The following SLC17A3 variants were observed in gnomAD, a reference collection of about 807,000 sequenced individuals.
SLC17A3 encodes the protein solute carrier family 17 member 3, also known as sodium-dependent phosphate transport protein 4.
SLC17A3 carries 61 observed loss-of-function variants against 60.3 expected under a neutral mutation model. The ratio of observed to expected loss-of-function variants is 1.01; its 90% confidence interval spans 0.82 to 1.25. The LOEUF (loss-of-function observed/expected upper bound fraction) is 1.25, where lower values mean the gene tolerates loss of function less well. Among genes scored for constraint, SLC17A3 ranks in the 50% most tolerant of loss-of-function variants. The pLI, the probability that SLC17A3 is intolerant of heterozygous loss-of-function variation, is 0.00. For synonymous variants in SLC17A3, 192 were observed against 208.9 expected (o/e 0.92, Z 0.70); for missense variants, 624 against 594.9 (o/e 1.05, Z -0.51).
At chr6:25,849,510 C>G in intron 10 of SLC17A3, 46 bp from the exon 11 acceptor site, 7 of 1,123,588 alleles carry the variant, frequency 6.2e-6, no homozygotes, top group Non-Finnish European at 8.2e-6. Context: ...AGATGTTTGA[C>G]AGTATCCTTC....
chr6:25,859,426 C>T (rs1003659727), intron 5 of SLC17A3, among the ~76,000 whole-genome samples: 9 of 152,130 alleles, frequency 5.9e-5, no homozygotes, highest in African/African-American at 2.2e-4. Context: ...AGCACAGAAA[C>T]TGATAAATAC....
At chr6:25,860,262 C>G (rs940481476) in intron 5 of SLC17A3, among the ~76,000 whole-genome samples, 2 of 151,926 alleles carry the variant, frequency 1.3e-5, no homozygotes, top group African/African-American at 4.8e-5. Context: ...GCAAAGTTTC[C>G]TATCTACAAT....
rs374524332 is a variant in SLC17A3 at position 25,858,146 on chromosome 6, G to C, written c.626-2916C>G. On this transcript the variant is annotated intron_variant, in intron 5 of 12. Coordinates refer to ENST00000397060, the MANE Select transcript of SLC17A3 (RefSeq NM_001098486.2). The stretch of plus-strand genomic sequence containing the variant: ...TTCTCATGACTCAACCTCCTGAGTA[G>C]CTGCAAATATAGCTTCCTGTGGCTC... 1.9e-4 allele frequency among the ~76,000 whole-genome samples: 29 copies of C among 152,104 alleles called. No individual in the cohort carries two copies. The South Asian group carries it at 5.8e-3, about 31-fold the overall frequency.
chr6:25,868,562 G>A, intron 1 of SLC17A3, 142 bp from the exon 2 acceptor site: 1 of 625,512 alleles, frequency 1.6e-6, no homozygotes, highest in Non-Finnish European at 2.9e-6. Context: ...TCCCCTCTTG[G>A]CTCAACACAA....
At position 25,845,302 on chromosome 6, in the gene SLC17A3, A is replaced by G; in HGVS notation, c.*3-4T>C. On this transcript the variant is annotated splice_polypyrimidine_tract_variant and splice_region_variant and intron_variant, in intron 12 of 12. Coordinates refer to ENST00000397060, the MANE Select transcript of SLC17A3 (RefSeq NM_001098486.2). ...TTTTCCATCCAAGGTGGGATAACTA[A>G]GAAAGGAAAATGATATAGAATTTAA... 1.4e-5 allele frequency: 22 copies of G among 1,561,828 alleles called. 2 individuals carry two copies. The South Asian group carries it at 2.3e-4, about 17-fold the overall frequency.
intron 6 of SLC17A3, 112 bp from the exon 7 acceptor site, chr6:25,850,989 A>G: frequency 2.5e-6 from 2 of 801,140 alleles, no homozygotes; most frequent in Non-Finnish European, 2.2e-6. Flanking sequence ...CATGTTCATT[A>G]TATCCCTTTT....
intron 2 of SLC17A3, among the ~76,000 whole-genome samples, chr6:25,867,604 A>G (rs971867900): frequency 5.3e-5 from 8 of 152,008 alleles, no homozygotes; most frequent in Non-Finnish European, 8.8e-5. Context: ...TATATAGTTC[A>G]TATATAGATA....
chr6:25,860,609 A>G (rs1430546637), intron 5 of SLC17A3, among the ~76,000 whole-genome samples: 1 of 152,136 alleles, frequency 6.6e-6, no homozygotes, highest in African/African-American at 2.4e-5. Context: ...ACCTGCCTGG[A>G]GCCTCTGAAA....
intron 11 of SLC17A3, 114 bp downstream of exon 11, chr6:25,849,259 AT>A: frequency 1.4e-6 from 1 of 710,938 alleles, no homozygotes; most frequent in Non-Finnish European, 2.6e-6. Context: ...GTTCATCTTA[AT>A]GACAAATTAC....
At chr6:25,861,510 A>G (rs999098155) in intron 5 of SLC17A3, 114 bp downstream of exon 5, 10 of 858,028 alleles carry the variant, frequency 1.2e-5, no homozygotes, top group Non-Finnish European at 2.0e-5. Flanking sequence ...TTAATTTAAA[A>G]ATACTTCACT....
intron 1 of SLC17A3, among the ~76,000 whole-genome samples, chr6:25,870,592 T>G (rs1326814363): frequency 2.0e-5 from 3 of 152,012 alleles, no homozygotes; most frequent in African/African-American, 7.2e-5. Flanking sequence ...ATCTATGGCC[T>G]CTTCACAGCA....
At chr6:25,866,721 A>G (rs746060280) in intron 2 of SLC17A3, among the ~76,000 whole-genome samples, 36 of 151,978 alleles carry the variant, frequency 2.4e-4, no homozygotes, top group Non-Finnish European at 4.0e-4. Flanking sequence ...ATTGAAGAAT[A>G]AGAATACTCA....
chr6:25,868,206 T>A lies in SLC17A3; in HGVS notation c.91+91A>T, dbSNP rs1013282573. 5 of 969,850 alleles carry A rather than the reference T, an allele frequency of 5.2e-6. No homozygotes were observed. The African/African-American group carries it at 8.1e-5, about 16-fold the overall frequency. 60.1% of individuals were successfully genotyped at this position (969,850 alleles called of 1,614,324 possible). A position where few individuals can be genotyped will look rare whatever the true frequency, so the allele number is the denominator to read the frequency against. ...GGATTTGTAAAAAGAATTAAAGAACTTAAAAATCACAAATTCATTTTTATA... is the reference window on the plus strand; with the variant it reads ...GGATTTGTAAAAAGAATTAAAGAACATAAAAATCACAAATTCATTTTTATA... On this transcript the variant is annotated intron_variant, in intron 2 of 12. Transcript: ENST00000397060.
At chr6:25,870,588 G>A (rs917929503) in intron 1 of SLC17A3, among the ~76,000 whole-genome samples, 2 of 151,894 alleles carry the variant, frequency 1.3e-5, no homozygotes, top group Non-Finnish European at 2.9e-5. Flanking sequence ...CCAGATCTAT[G>A]GCCTCTTCAC....
chr6:25,855,395 A>T (rs1448150234), intron 5 of SLC17A3, among the ~76,000 whole-genome samples, 165 bp from the exon 6 acceptor site: 1 of 152,258 alleles, frequency 6.6e-6, no homozygotes, highest in East Asian at 1.9e-4. Flanking sequence ...ATATAATTTC[A>T]TATGTTCTCC....
In SLC17A3 at chr6:25,862,331, T is replaced by G; in HGVS notation, c.205A>C (p.Ser69Arg). Residue 69 changes from serine to arginine, a missense_variant, in exon 3 of 13, where the codon AGC (serine) becomes CGC (arginine). Coordinates refer to ENST00000397060, the MANE Select transcript of SLC17A3 (RefSeq NM_001098486.2). Reference sequence around the variant, plus strand: ...TTGAGCTGGGATTGAGGGCTTGTGCTGTTGACCATGGCTACCATGGTGATG... The same window carrying G: ...TTGAGCTGGGATTGAGGGCTTGTGCGGTTGACCATGGCTACCATGGTGATG... ...MNITMVAMVN[S>R]TSPQSQLNDS... The G allele has an allele frequency of 6.2e-7, 1 of 1,613,862 alleles. No homozygotes were observed. The highest frequency in any genetic ancestry group is 8.5e-7 in the Non-Finnish European group (1 of 1,179,808).
chr6:25,850,982 G>T (rs1162909284), intron 6 of SLC17A3, 105 bp from the exon 7 acceptor site: 1 of 827,154 alleles, frequency 1.2e-6, no homozygotes, highest in East Asian at 2.5e-5. Context: ...AAAAGCTCAT[G>T]TTCATTATAT....
At chr6:25,847,877 T>C (rs968955933) in intron 11 of SLC17A3, among the ~76,000 whole-genome samples, 1 of 152,140 alleles carries the variant, frequency 6.6e-6, no homozygotes, top group Admixed American at 6.5e-5. Flanking sequence ...GGATTTGTAG[T>C]CTTTTAACCC....
chr6:25,861,661 T>G lies in SLC17A3; in HGVS notation c.588A>C (p.Pro196=), dbSNP rs1397691204. The change falls in exon 5 of 13, where the codon CCA becomes CCC. Residue 196 remains proline (P), a synonymous_variant. Coordinates refer to ENST00000397060, the MANE Select transcript of SLC17A3 (RefSeq NM_001098486.2). ...QFAIWEKWGP[P]QERSRLCSIA... ...TGCTGCAGAGTCTGCTTCGTTCTTG[T>G]GGAGGGCCCCACTTTTCCCAAATTG... 1.2e-6 allele frequency: 2 copies of G among 1,613,970 alleles called. No homozygotes were observed. Among genetic ancestry groups the G allele is most frequent in the African/African-American group, 2.7e-5 (2 of 74,920 alleles).
Sources: gnomAD v4.1 joint callset for allele counts (sites outside exome capture counted in the v4.1 genomes callset) on GRCh38, gnomAD v4.1.1 for gene constraint, MANE v1.5 for transcripts, NCBI Gene and HGNC (gene_info 2026-07-23, HGNC 2026-07-21) for gene names.